Variants in RBFOX1 observed in about 807,000 individuals in gnomAD.
RBFOX1 encodes the protein RNA binding protein fox-1 homolog 1.
RBFOX1 carries 8 observed loss-of-function variants against 57.7 expected under a neutral mutation model. That is an observed-to-expected ratio of 0.14 (90% CI 0.08 to 0.25). The LOEUF (loss-of-function observed/expected upper bound fraction) is 0.25. Among genes scored for constraint, RBFOX1 ranks in the 10% least tolerant of loss-of-function variants. The pLI is 1.00. For missense variants in RBFOX1, 611 were observed against 548.5 expected (o/e 1.11, Z -1.14); for synonymous variants, 326 against 222.4 (o/e 1.47, Z -4.15).
chr16:6,275,532 G>A (rs1314820708), intron 1 of RBFOX1, among the ~76,000 whole-genome samples: 2 of 152,100 alleles, frequency 1.3e-5, no homozygotes, highest in African/African-American at 4.8e-5. Context: ...CACTGAGACT[G>A]AAAAAATGGT....
chr16:5,640,113 G>C (rs908489713), intron 3 of RBFOX1, among the ~76,000 whole-genome samples: 3 of 152,154 alleles, frequency 2.0e-5, no homozygotes, highest in African/African-American at 7.2e-5. Context: ...TTCTGTAGCA[G>C]CTGAGGGGTA....
chr16:7,415,966 C>G (rs1480846895), intron 4 of RBFOX1, among the ~76,000 whole-genome samples: 5 of 152,154 alleles, frequency 3.3e-5, no homozygotes, highest in African/African-American at 9.7e-5. Context: ...TCAAGTGAAA[C>G]TTAGGACTGT....
chr16:7,115,680 C>T (rs139557499), intron 4 of RBFOX1, among the ~76,000 whole-genome samples: 137 of 152,296 alleles, frequency 9.0e-4, no homozygotes, highest in African/African-American at 3.2e-3. Context: ...AAAGAGGGGA[C>T]ACCCAAGACA....
At chr16:6,350,971 C>T (rs1267948851) in intron 2 of RBFOX1, among the ~76,000 whole-genome samples, 1 of 152,156 alleles carries the variant, frequency 6.6e-6, no homozygotes, top group Non-Finnish European at 1.5e-5. Context: ...GAAATGAAGA[C>T]CACAGGCAGT....
intron 5 of RBFOX1, among the ~76,000 whole-genome samples, chr16:7,578,742 A>AT (rs1302793096): frequency 6.6e-6 from 1 of 151,300 alleles, no homozygotes; most frequent in Admixed American, 6.6e-5. Context: ...TGTGGATGGC[A>AT]TTTACTGCCA....
At chr16:6,767,914 C>T (rs1356174123) in intron 3 of RBFOX1, among the ~76,000 whole-genome samples, 13 of 118,026 alleles carry the variant, frequency 1.1e-4, no homozygotes, top group South Asian at 6.2e-4. Flanking sequence ...GACTCTATCT[C>T]AATAATAATA....
intron 2 of RBFOX1, among the ~76,000 whole-genome samples, chr16:6,513,659 G>C (rs1176585297): frequency 4.6e-5 from 7 of 152,106 alleles, no homozygotes; most frequent in Admixed American, 4.6e-4. Context: ...ACTTGAACTT[G>C]GGAGGCGGAG....
chr16:7,252,347 C>T (rs191343217), intron 4 of RBFOX1, among the ~76,000 whole-genome samples: 164 of 152,320 alleles, frequency 1.1e-3, no homozygotes, highest in Non-Finnish European at 1.7e-3. Context: ...TTACATTCAC[C>T]ACTCTGTGCT....
chr16:6,866,673 C>G (rs961153767), intron 3 of RBFOX1, among the ~76,000 whole-genome samples: 2 of 150,964 alleles, frequency 1.3e-5, no homozygotes, highest in Non-Finnish European at 2.9e-5. Context: ...TTCCGAGTAG[C>G]TGGGACTACA....
At chr16:7,609,261 G>A (rs942247551) in intron 10 of RBFOX1, among the ~76,000 whole-genome samples, 2 of 152,182 alleles carry the variant, frequency 1.3e-5, no homozygotes, top group Non-Finnish European at 2.9e-5. Flanking sequence ...GGATGTGAGT[G>A]TTGTGGTGGA....
chr16:5,727,208 G>C (rs999789567), intron 3 of RBFOX1, among the ~76,000 whole-genome samples: 5 of 152,150 alleles, frequency 3.3e-5, no homozygotes, highest in African/African-American at 1.2e-4. Flanking sequence ...GGAGACAGAG[G>C]TGGCAGTGAG....
intron 1 of RBFOX1, among the ~76,000 whole-genome samples, chr16:5,399,683 C>G (rs895891949): frequency 1.3e-5 from 2 of 151,836 alleles, no homozygotes; most frequent in African/African-American, 2.4e-5. Flanking sequence ...CTGCAGTGAC[C>G]CATGCTTGCA....
intron 3 of RBFOX1, among the ~76,000 whole-genome samples, chr16:6,815,332 G>A (rs946583233): frequency 6.6e-6 from 1 of 152,072 alleles, no homozygotes; most frequent in Non-Finnish European, 1.5e-5. Context: ...ATTGTGTGCT[G>A]AACTCCTGTC....
In RBFOX1 at chr16:6,825,736, C is replaced by G. The variant is rs376968139; in HGVS notation, c.-16+171086C>G. Among the ~76,000 whole-genome samples, 5 of 152,166 alleles carry G rather than the reference C, an allele frequency of 3.3e-5. No individual in the cohort carries two copies. In the South Asian group the frequency reaches 8.3e-4, roughly 25 times the overall value. The stretch of plus-strand genomic sequence containing the variant: ...AGGAAAGGGAGGGAGGCAGGGCAGT[C>G]GATGCCAGGGACACGTGTAACGGGG... On this transcript the variant is annotated intron_variant, in intron 3 of 15. Coordinates refer to ENST00000550418, the MANE Select transcript of RBFOX1 (RefSeq NM_018723.4).
intron 2 of RBFOX1, among the ~76,000 whole-genome samples, chr16:6,631,497 C>T (rs907894845): frequency 1.3e-5 from 2 of 151,870 alleles, no homozygotes; most frequent in Non-Finnish European, 1.5e-5. Flanking sequence ...CTTAAAGTTA[C>T]TCCATTCGCT....
chr16:6,520,201 A>G (rs2096471595), intron 2 of RBFOX1, among the ~76,000 whole-genome samples: 1 of 152,238 alleles, frequency 6.6e-6, no homozygotes, highest in Admixed American at 6.5e-5. Flanking sequence ...TTCCAAAGTT[A>G]TGATGGTATG....
chr16:7,642,304 A>C lies in RBFOX1; in HGVS notation c.758-11511A>C, dbSNP rs375602787. 9.7e-4 allele frequency among the ~76,000 whole-genome samples: 147 copies of C among 152,280 alleles called. 1 individual carries two copies. In the East Asian group the frequency reaches 0.022, roughly 23 times the overall value. ...CCAGGTTGGCTTTGGGCATTGATCA[A>C]AGGATCAGGACTCTTTTTTTTAAGT... On this transcript the variant is annotated intron_variant, in intron 11 of 15. Coordinates refer to ENST00000550418, the MANE Select transcript of RBFOX1 (RefSeq NM_018723.4).
chr16:7,628,391 C>T (rs185796345), intron 10 of RBFOX1, among the ~76,000 whole-genome samples: 14 of 152,142 alleles, frequency 9.2e-5, no homozygotes, highest in Admixed American at 3.3e-4. Flanking sequence ...CATAGATAAC[C>T]GCTGCAGAGT....
At chr16:5,642,927 C>T (rs534525215) in intron 3 of RBFOX1, among the ~76,000 whole-genome samples, 10 of 152,278 alleles carry the variant, frequency 6.6e-5, no homozygotes, top group South Asian at 2.1e-4. Flanking sequence ...TGTCAATGCC[C>T]GCTCACCCAC....
Sources: gnomAD v4.1 joint callset for allele counts (sites outside exome capture counted in the v4.1 genomes callset) on GRCh38, gnomAD v4.1.1 for gene constraint, MANE v1.5 for transcripts, NCBI Gene and HGNC (gene_info 2026-07-23, HGNC 2026-07-21) for gene names.